Variants in LRP1B observed in about 807,000 individuals in gnomAD.
LRP1B encodes LDL receptor related protein 1B.
LRP1B carries 217 observed loss-of-function variants against 556.6 expected under a neutral mutation model. The ratio of observed to expected loss-of-function variants is 0.39; its 90% confidence interval spans 0.35 to 0.44. The LOEUF is 0.44. Ranked by LOEUF, LRP1B falls within the 20% of genes least tolerant of loss-of-function variation. The pLI is 1.00. For missense variants in LRP1B, 5,053 were observed against 5,620.8 expected (o/e 0.90, Z 3.23); for synonymous variants, 2,047 against 1,865.8 (o/e 1.10, Z -2.50).
chr2:140,838,382 C>T (rs1346209655), intron 31 of LRP1B, among the ~76,000 whole-genome samples: 1 of 152,056 alleles, frequency 6.6e-6, no homozygotes, highest in African/African-American at 2.4e-5. Context: ...TTCAATTTGC[C>T]TTTAATTTCT....
At chr2:141,607,818 G>T (rs1005489718) in intron 2 of LRP1B, among the ~76,000 whole-genome samples, 2 of 152,150 alleles carry the variant, frequency 1.3e-5, no homozygotes, top group Non-Finnish European at 2.9e-5. Context: ...AGCTACACAG[G>T]AGGCTGAGGA....
At chr2:141,445,720 T>C (rs968936826) in intron 3 of LRP1B, among the ~76,000 whole-genome samples, 2 of 152,340 alleles carry the variant, frequency 1.3e-5, no homozygotes, top group South Asian at 4.1e-4. Flanking sequence ...AGTTTCCATG[T>C]AGTTATGCGT....
rs374349425 is a variant in LRP1B at position 141,062,228 on chromosome 2, T to C, written c.1059A>G (p.Arg353=). 177 of 1,611,274 alleles carry C rather than the reference T, an allele frequency of 1.1e-4. No individual in the cohort carries two copies. Among genetic ancestry groups the C allele is most frequent in the Non-Finnish European group, 1.4e-4 (170 of 1,178,388 alleles). ...TDYGNVAKVE[R]CDMDGMNRTR... ...TTCGGTTCATCCCATCCATGTCACA[T>C]CTCTCCACTTTGGCGACATTCCCGT... is the stretch of plus-strand genomic sequence containing the variant. The change falls in exon 8 of 91, where the codon AGA becomes AGG. Residue 353 remains arginine (R), a synonymous_variant. Transcript: ENST00000389484.
chr2:141,517,732 C>T (rs1410911559), intron 2 of LRP1B, among the ~76,000 whole-genome samples: 1 of 152,132 alleles, frequency 6.6e-6, no homozygotes, highest in African/African-American at 2.4e-5. Flanking sequence ...GAATCGTGAT[C>T]ACAAGGAACT....
chr2:141,023,717 C>A (rs988746436), intron 11 of LRP1B, among the ~76,000 whole-genome samples: 2 of 151,916 alleles, frequency 1.3e-5, no homozygotes, highest in African/African-American at 4.8e-5. Context: ...GGCACATGAG[C>A]TGGACCTCCA....
At chr2:141,960,278 C>G (rs1701363788) in intron 1 of LRP1B, among the ~76,000 whole-genome samples, 2 of 151,806 alleles carry the variant, frequency 1.3e-5, no homozygotes, top group African/African-American at 4.8e-5. Flanking sequence ...AAAATCAAGT[C>G]TTATCCCTGT....
chr2:140,776,283 T>C, intron 32 of LRP1B, 45 bp from the exon 33 acceptor site: 3 of 1,220,152 alleles, frequency 2.5e-6, no homozygotes, highest in Non-Finnish European at 3.4e-6. Flanking sequence ...ATAATTATCT[T>C]ATTAAATAAT....
intron 47 of LRP1B, among the ~76,000 whole-genome samples, chr2:140,527,716 C>T (rs549119826): frequency 6.6e-6 from 1 of 151,728 alleles, no homozygotes; most frequent in African/African-American, 2.4e-5. Context: ...AGAGCAAAAC[C>T]TCTTTTATAT....
intron 81 of LRP1B, among the ~76,000 whole-genome samples, chr2:140,322,462 T>A (rs1237665160): frequency 6.6e-6 from 1 of 152,060 alleles, no homozygotes; most frequent in East Asian, 1.9e-4. Context: ...GGATCTGACC[T>A]TCATTTCAAC....
chr2:140,916,389 C>T (rs1000460013), intron 21 of LRP1B, among the ~76,000 whole-genome samples: 2 of 152,072 alleles, frequency 1.3e-5, no homozygotes, highest in South Asian at 4.1e-4. Flanking sequence ...ACAAAACAAT[C>T]CAAAAATAGA....
chr2:140,932,396 A>G (rs1695075768), intron 20 of LRP1B, among the ~76,000 whole-genome samples: 1 of 152,104 alleles, frequency 6.6e-6, no homozygotes, highest in African/African-American at 2.4e-5. Flanking sequence ...TGACACACTC[A>G]TTTGTTGACA....
At chr2:141,822,130 C>CACACACACACACAGAGAGAG (rs374369026) in intron 1 of LRP1B, among the ~76,000 whole-genome samples, 41 of 95,880 alleles carry the variant, frequency 4.3e-4, no homozygotes, top group African/African-American at 1.6e-3. Context: ...CACACACACA[C>CACACACACACACAGAGAGAG]AGAGAGAGAG....
intron 3 of LRP1B, among the ~76,000 whole-genome samples, chr2:141,366,390 A>G (rs1208473030): frequency 6.6e-6 from 1 of 152,236 alleles, no homozygotes; most frequent in African/African-American, 2.4e-5. Context: ...TCATGTATAA[A>G]TGTTCACCAA....
chr2:140,498,492 C>G (rs948108149), intron 55 of LRP1B, among the ~76,000 whole-genome samples: 1 of 151,820 alleles, frequency 6.6e-6, no homozygotes, highest in East Asian at 1.9e-4. Context: ...TAGATACATT[C>G]TATTTGTTTT....
intron 3 of LRP1B, among the ~76,000 whole-genome samples, chr2:141,415,789 T>C (rs1691079052): frequency 6.6e-6 from 1 of 152,212 alleles, no homozygotes; most frequent in African/African-American, 2.4e-5. Flanking sequence ...ACTTTTTTCT[T>C]ATTTCAGAAA....
chr2:140,464,615 C>G (rs952507260), intron 60 of LRP1B, among the ~76,000 whole-genome samples: 1 of 152,188 alleles, frequency 6.6e-6, no homozygotes, highest in Non-Finnish European at 1.5e-5. Flanking sequence ...GTAAACAAAG[C>G]AACATTGCTT....
chr2:141,456,219 A>AT (rs200806319), intron 3 of LRP1B, among the ~76,000 whole-genome samples: 86 of 151,440 alleles, frequency 5.7e-4, no homozygotes, highest in African/African-American at 1.9e-3. Flanking sequence ...TTGCAAATGT[A>AT]TTTTTTTTTC....
At chr2:140,608,921 G>C (rs1682968244) in intron 41 of LRP1B, among the ~76,000 whole-genome samples, 1 of 152,126 alleles carries the variant, frequency 6.6e-6, no homozygotes. Context: ...CAGGATTTCA[G>C]ACTCAGCTGA....
intron 67 of LRP1B, 152 bp from the exon 68 acceptor site, chr2:140,378,438 T>C (rs652923): frequency 0.34 from 187,085 of 551,158 alleles, 33,871 homozygotes; most frequent in Non-Finnish European, 0.38. Flanking sequence ...TCATGAAGCA[T>C]CTATGGTACA....
Sources: gnomAD v4.1 joint callset for allele counts (sites outside exome capture counted in the v4.1 genomes callset) on GRCh38, gnomAD v4.1.1 for gene constraint, MANE v1.5 for transcripts, NCBI Gene and HGNC (gene_info 2026-07-23, HGNC 2026-07-21) for gene names.